Variants in CYLD observed in about 807,000 individuals in gnomAD.
CYLD encodes the protein ubiquitin carboxyl-terminal hydrolase CYLD.
CYLD carries 26 observed loss-of-function variants against 104.5 expected under a neutral mutation model. The ratio of observed to expected loss-of-function variants is 0.25; its 90% confidence interval spans 0.18 to 0.35. The LOEUF is 0.35. Ranked by LOEUF, CYLD falls within the 10% of genes least tolerant of loss-of-function variation. CYLD has a pLI of 1.00. For synonymous variants in CYLD, 385 were observed against 399.9 expected (o/e 0.96, Z 0.45); for missense variants, 703 against 1,136.1 (o/e 0.62, Z 5.48).
chr16:50,794,274 A>G lies in CYLD; in HGVS notation c.2532A>G (p.Leu844=), dbSNP rs745405102. ...KYNPVSLPKD[L]PDWDWRHGCI... ...ACCCAGTGTCACTTCCCAAAGACTT[A>G]CCCGACTGGGACTGGAGACACGGCT... The change falls in exon 18 of 19, where the codon TTA becomes TTG. Residue 844 remains leucine (L), a synonymous_variant. Transcript: ENST00000427738. The surrounding 1 kb of genome is among the most constrained non-coding windows in gnomAD (Gnocchi z 4.1). The G allele has an allele frequency of 5.0e-6, 8 of 1,614,008 alleles. No homozygotes were observed. The African/African-American group carries it at 5.3e-5, about 11-fold the overall frequency.
At chr16:50,756,287 C>G (rs1039128107) in intron 5 of CYLD, among the ~76,000 whole-genome samples, 4 of 152,140 alleles carry the variant, frequency 2.6e-5, no homozygotes, top group African/African-American at 9.7e-5. Context: ...ATGTAATAAA[C>G]TGCTACCTGA....
chr16:50,750,329 T>A, intron 3 of CYLD, 127 bp downstream of exon 3: 1 of 1,105,924 alleles, frequency 9.0e-7, no homozygotes, highest in Admixed American at 1.8e-5. Context: ...TCTGTAATTT[T>A]TAATATTCAT....
rs1348220331 is a variant in CYLD, at chr16:50,742,210, G to T, written c.-204+86G>T. On this transcript the variant is annotated intron_variant, in intron 1 of 18. Coordinates refer to ENST00000427738, the MANE Select transcript of CYLD (RefSeq NM_001378743.1). ...CCGGGGCGAGGGGCGACGCCCCGCCGCCCGAGGTTAGTGAATGAGCGGGCG... is the reference window on the plus strand; with the variant it reads ...CCGGGGCGAGGGGCGACGCCCCGCCTCCCGAGGTTAGTGAATGAGCGGGCG... 3 of 151,696 alleles carry T rather than the reference G, an allele frequency of 2.0e-5. No homozygotes were observed. The East Asian group carries it at 5.8e-4, about 29-fold the overall frequency. The allele number at this position is 151,696 out of a possible 1,614,324, so 9.4% of individuals were successfully genotyped here.
In CYLD at chr16:50,779,853, C is replaced by A. The variant is rs764952788; in HGVS notation, c.1327C>A (p.Gln443Lys). 27 of 1,613,898 alleles carry A rather than the reference C, an allele frequency of 1.7e-5. No homozygotes were observed. The East Asian group carries it at 6.0e-4, about 36-fold the overall frequency. Residue 443 changes from glutamine (Q) to lysine (K), a missense_variant, in exon 9 of 19, where the codon CAG (glutamine) becomes AAG (lysine). Transcript: ENST00000427738. ...CCACAGTCCACTTTCTCTGTCAGCC[C>A]AGTCTGTAATGGAAGAGCTAAACAC... is the stretch of plus-strand genomic sequence containing the variant. ...IGHSPLSLSA[Q>K]SVMEELNTAP...
intron 5 of CYLD, among the ~76,000 whole-genome samples, chr16:50,756,788 A>T (rs3135501): frequency 2.0e-5 from 3 of 152,018 alleles, no homozygotes. Flanking sequence ...TTATAATGTA[A>T]GTCTTAATGA....
chr16:50,761,844 T>A (rs910357196), intron 5 of CYLD, among the ~76,000 whole-genome samples: 1 of 152,138 alleles, frequency 6.6e-6, no homozygotes, highest in Admixed American at 6.5e-5. Flanking sequence ...AGTTTTTATT[T>A]TTGCCCACAG....
intron 5 of CYLD, among the ~76,000 whole-genome samples, chr16:50,762,150 C>T (rs754738554): frequency 6.6e-6 from 1 of 152,136 alleles, no homozygotes; most frequent in Non-Finnish European, 1.5e-5. Context: ...AAGCAACCTC[C>T]CATCATCCAC....
chr16:50,756,848 A>G (rs983725544), intron 5 of CYLD, among the ~76,000 whole-genome samples: 2 of 152,216 alleles, frequency 1.3e-5, no homozygotes, highest in Non-Finnish European at 2.9e-5. Context: ...AACAATTACC[A>G]AAATCAAAGT....
intron 2 of CYLD, among the ~76,000 whole-genome samples, chr16:50,747,325 A>G (rs1596956864): frequency 6.6e-6 from 1 of 152,364 alleles, no homozygotes; most frequent in East Asian, 1.9e-4. Flanking sequence ...AGGCCGTAAA[A>G]GGAGTCAAAT....
intron 5 of CYLD, among the ~76,000 whole-genome samples, chr16:50,763,972 AC>A (rs1968224864): frequency 6.6e-6 from 1 of 151,406 alleles, no homozygotes; most frequent in African/African-American, 2.4e-5. Flanking sequence ...AATTTTATCA[AC>A]CCCTTTTTCT....
intron 5 of CYLD, among the ~76,000 whole-genome samples, chr16:50,762,009 T>C (rs1356035564): frequency 1.3e-5 from 2 of 152,236 alleles, no homozygotes; most frequent in African/African-American, 4.8e-5. Context: ...CACATTGTTC[T>C]TAATGATTTT....
intron 5 of CYLD, among the ~76,000 whole-genome samples, chr16:50,765,614 G>T (rs879605655): frequency 6.6e-6 from 1 of 152,194 alleles, no homozygotes; most frequent in Non-Finnish European, 1.5e-5. Context: ...GTTGAAAACC[G>T]AGAGAGACTG....
intron 3 of CYLD, 21 bp from the exon 4 acceptor site, chr16:50,751,583 C>G (rs1421186348): frequency 6.2e-7 from 1 of 1,610,582 alleles, no homozygotes. Context: ...CTATTTCTTT[C>G]CCTTCTCTCT....
At chr16:50,755,122 T>C (rs189024350) in intron 5 of CYLD, among the ~76,000 whole-genome samples, 1,439 of 36,436 alleles carry the variant, frequency 0.039, 27 homozygotes, top group Non-Finnish European at 0.056. Context: ...TATACACATG[T>C]GTATATATAC....
rs921000656 is a variant in CYLD at position 50,742,126 on chromosome 16, T to C, written c.-204+2T>C. The C allele has an allele frequency of 1.3e-5, 2 of 151,448 alleles. No individual in the cohort carries two copies. The highest frequency in any genetic ancestry group is 2.9e-5 in the Non-Finnish European group (2 of 68,056). 9.4% of individuals were successfully genotyped at this position (151,448 alleles called of 1,614,324 possible). On this transcript the variant is annotated splice_donor_variant, in intron 1 of 18. Transcript: ENST00000427738. LOFTEE classifies it low-confidence loss of function (5UTR_SPLICE). ...CTGCGCGGGGGCCGCGCGTCGGAGG[T>C]AAATACTAGGGCGGTGGGTGTGGGG... is the stretch of plus-strand genomic sequence containing the variant.
intron 5 of CYLD, among the ~76,000 whole-genome samples, chr16:50,764,481 G>T (rs1968280121): frequency 1.3e-5 from 2 of 152,106 alleles, no homozygotes; most frequent in Admixed American, 1.3e-4. Flanking sequence ...AGCAGCATCT[G>T]CCCTTGTGTT....
At chr16:50,764,243 G>A (rs1264442935) in intron 5 of CYLD, among the ~76,000 whole-genome samples, 1 of 152,036 alleles carries the variant, frequency 6.6e-6, no homozygotes, top group African/African-American at 2.4e-5. Flanking sequence ...CTTTTATTTT[G>A]TTATTTGAAA....
Position 50,799,780 on chromosome 16 carries a change from A to G in CYLD, c.*3272A>G, listed in dbSNP as rs1162617287. 2 of 233,114 alleles carry G rather than the reference A, an allele frequency of 8.6e-6. No individual in the cohort carries two copies. Among genetic ancestry groups the G allele is most frequent in the African/African-American group, 4.4e-5 (2 of 45,292 alleles). 14.4% of individuals were successfully genotyped at this position (233,114 alleles called of 1,614,324 possible). ...TACCCTCTATAGCTGGATCTTGAAAATTATCTGGCCAGATAATTTTGCATC... is the reference window on the plus strand; with the variant it reads ...TACCCTCTATAGCTGGATCTTGAAAGTTATCTGGCCAGATAATTTTGCATC... On this transcript the variant is annotated 3_prime_UTR_variant, in exon 19 of 19. Transcript: ENST00000427738.
chr16:50,766,302 GT>G (rs1264686158), intron 5 of CYLD, among the ~76,000 whole-genome samples: 1 of 152,160 alleles, frequency 6.6e-6, no homozygotes, highest in Admixed American at 6.5e-5. Flanking sequence ...GACAACACAT[GT>G]GTTTATAGCA....
Sources: gnomAD v4.1 joint callset for allele counts (sites outside exome capture counted in the v4.1 genomes callset) on GRCh38, gnomAD v4.1.1 for gene constraint, Gnocchi (gnomAD v3.1) non-coding constraint, MANE v1.5 for transcripts, NCBI Gene and HGNC (gene_info 2026-07-23, HGNC 2026-07-21) for gene names.